RBM26: variants seen among roughly 807,000 people sequenced by gnomAD.
The protein encoded by RBM26 is RNA-binding protein 26.
Under a neutral mutation model 123.6 loss-of-function variants are expected in RBM26, and 30 were observed. The observed-to-expected ratio is 0.24, with a 90% CI of 0.18 to 0.33. The LOEUF (loss-of-function observed/expected upper bound fraction) is 0.33. Among genes scored for constraint, RBM26 ranks in the 10% least tolerant of loss-of-function variants. The pLI is 1.00. For missense variants in RBM26, 947 were observed against 1,203.6 expected (o/e 0.79, Z 3.15); for synonymous variants, 400 against 404.4 (o/e 0.99, Z 0.13).
Position 79,371,936 on chromosome 13 carries a change from T to TAA in RBM26, c.328-8_328-7dup, listed in dbSNP as rs111251938. The TAA allele has an allele frequency of 1.4e-3, 1,858 of 1,295,086 alleles. No individual in the cohort carries two copies. Among genetic ancestry groups the TAA allele is most frequent in the East Asian group, 1.8e-3 (71 of 40,060 alleles). The allele number at this position is 1,295,086 out of a possible 1,614,324, so 80.2% of individuals were successfully genotyped here. On this transcript the variant is annotated splice_polypyrimidine_tract_variant and splice_region_variant and intron_variant, in intron 3 of 21. Transcript: ENST00000438737. Reference sequence around the variant, plus strand: ...CGCTCTTCCTCCTTAGTGATCTGATTAAAAAAAAAAAAAAAAGTGTACAAG... The same window carrying TAA: ...CGCTCTTCCTCCTTAGTGATCTGATTAAAAAAAAAAAAAAAAAAGTGTACAAG...
chr13:79,354,081 T>C (rs2073654175), intron 13 of RBM26, among the ~76,000 whole-genome samples: 1 of 152,146 alleles, frequency 6.6e-6, no homozygotes, highest in South Asian at 2.1e-4. Flanking sequence ...GGAACAGAAT[T>C]CTAATTAAGT....
chr13:79,359,427 C>A, intron 10 of RBM26, 148 bp downstream of exon 10: 2 of 465,544 alleles, frequency 4.3e-6, no homozygotes, highest in Non-Finnish European at 7.7e-6. Context: ...AACTAACTTG[C>A]CAATTTTTAG....
At chr13:79,371,612 G>A (rs910942421) in intron 4 of RBM26, among the ~76,000 whole-genome samples, 4 of 151,752 alleles carry the variant, frequency 2.6e-5, no homozygotes, top group Non-Finnish European at 5.9e-5. Context: ...CTGAAGTTAG[G>A]AATAAAAAGA....
intron 3 of RBM26, 48 bp from the exon 4 acceptor site, chr13:79,371,978 C>G: frequency 7.7e-7 from 1 of 1,291,880 alleles, no homozygotes; most frequent in African/African-American, 1.5e-5. Flanking sequence ...AATTATTCCA[C>G]TGTTAAATAG....
chr13:79,398,432 C>T (rs1412305706), intron 1 of RBM26, among the ~76,000 whole-genome samples: 1 of 152,132 alleles, frequency 6.6e-6, no homozygotes, highest in Admixed American at 6.5e-5. Flanking sequence ...AACCACTCAG[C>T]ATTCAGATGG....
At chr13:79,395,761 C>A (rs539266790) in intron 1 of RBM26, among the ~76,000 whole-genome samples, 13 of 151,136 alleles carry the variant, frequency 8.6e-5, no homozygotes, top group South Asian at 2.1e-4. Context: ...AACAAACAAA[C>A]AAAAAAATGG....
rs554754648 is a variant in RBM26, at chr13:79,319,227, G to A, written c.*1394C>T. Reference sequence around the variant, plus strand: ...GGTGGTGGAACAACAGCTTTTGATTGTGAGGACCCCAATATGGAAGAAAGT... The same window carrying A: ...GGTGGTGGAACAACAGCTTTTGATTATGAGGACCCCAATATGGAAGAAAGT... On this transcript the variant is annotated 3_prime_UTR_variant, in exon 22 of 22. Coordinates refer to ENST00000438737, the MANE Select transcript of RBM26 (RefSeq NM_001366735.2). The A allele has an allele frequency of 3.4e-4, 335 of 984,308 alleles. 1 individual carries two copies. In the South Asian group the frequency reaches 7.0e-3, roughly 21 times the overall value. 61.0% of individuals were successfully genotyped at this position (984,308 alleles called of 1,614,324 possible). A position where few individuals can be genotyped will look rare whatever the true frequency, so the allele number is the denominator to read the frequency against.
rs1188215710 is a variant in RBM26 at position 79,405,738 on chromosome 13, G to A, written c.37C>T (p.Leu13Phe). 6.3e-7 allele frequency: 1 copy of A among 1,599,056 alleles called. No homozygotes were observed. The highest frequency in any genetic ancestry group is 8.5e-7 in the Non-Finnish European group (1 of 1,172,348). The change falls in exon 1 of 22, where the codon CTC becomes TTC. Residue 13 changes from leucine to phenylalanine, a missense_variant. By Grantham distance (22) the Leu-to-Phe change is conservative. Coordinates refer to ENST00000438737, the MANE Select transcript of RBM26 (RefSeq NM_001366735.2). The part of the protein sequence containing the change: ...SKMIIENFEA[L>F]KSWLSKTLEP... Reference sequence around the variant, plus strand: ...AGAGTCTTGCTGAGCCAGGACTTGAGTGCCTCGAAGTTTTCAATGATCATT... The same window carrying A: ...AGAGTCTTGCTGAGCCAGGACTTGAATGCCTCGAAGTTTTCAATGATCATT...
intron 18 of RBM26, among the ~76,000 whole-genome samples, chr13:79,339,562 C>A (rs141636153): frequency 6.6e-6 from 1 of 151,898 alleles, no homozygotes; most frequent in African/African-American, 2.4e-5. Context: ...CAAAATAACA[C>A]GTAATAATAA....
At chr13:79,317,091 T>C (rs2067218510), downstream of RBM26, among the ~76,000 whole-genome samples, 1 of 151,780 alleles carries the variant, frequency 6.6e-6, no homozygotes, top group South Asian at 2.1e-4. Flanking sequence ...TTTAAAACTC[T>C]GAATTTAGAA....
chr13:79,400,153 C>CA (rs1277459879), intron 1 of RBM26, among the ~76,000 whole-genome samples: 1 of 151,960 alleles, frequency 6.6e-6, no homozygotes, highest in East Asian at 1.9e-4. Flanking sequence ...ATATACACTC[C>CA]AAAAAAAGTT....
intron 1 of RBM26, among the ~76,000 whole-genome samples, chr13:79,396,895 G>C (rs2078616305): frequency 6.6e-6 from 1 of 152,154 alleles, no homozygotes; most frequent in Non-Finnish European, 1.5e-5. Context: ...TGGAGAAAAA[G>C]AACTGGCCAG....
At chr13:79,347,326 G>A (rs1268327009) in intron 14 of RBM26, among the ~76,000 whole-genome samples, 1 of 152,126 alleles carries the variant, frequency 6.6e-6, no homozygotes, top group East Asian at 1.9e-4. Flanking sequence ...CATAACCTGT[G>A]TCTAACAATT....
chr13:79,401,132 T>C (rs770259357), intron 1 of RBM26, among the ~76,000 whole-genome samples: 29 of 152,304 alleles, frequency 1.9e-4, no homozygotes, highest in South Asian at 4.1e-4. Context: ...AAAGATCATT[T>C]AGCCAACCCA....
chr13:79,405,835 C>CGCCGCT lies in RBM26; in HGVS notation c.-67_-62dup. 1 of 1,088,982 alleles carries CGCCGCT rather than the reference C, an allele frequency of 9.2e-7. No individual in the cohort carries two copies. The highest frequency in any genetic ancestry group is 2.2e-5 in the South Asian group (1 of 45,614). The allele number at this position is 1,088,982 out of a possible 1,614,324, so 67.5% of individuals were successfully genotyped here. On this transcript the variant is annotated 5_prime_UTR_variant, in exon 1 of 22. Transcript: ENST00000438737. ...CCGCCCAGGTCGCGGCCGCTACAGC[C>CGCCGCT]GCCGCTGCCCCCGCCCCCTCCTCCG...
intron 5 of RBM26, among the ~76,000 whole-genome samples, chr13:79,369,740 C>T (rs1480574286): frequency 6.6e-6 from 1 of 152,120 alleles, no homozygotes; most frequent in Non-Finnish European, 1.5e-5. Context: ...ATGACACGCT[C>T]TTGCAAAAAT....
At chr13:79,344,045 T>C (rs2071876363) in intron 16 of RBM26, among the ~76,000 whole-genome samples, 1 of 152,062 alleles carries the variant, frequency 6.6e-6, no homozygotes, top group Non-Finnish European at 1.5e-5. Context: ...CTTAATTTCA[T>C]GTTGATAACT....
intron 3 of RBM26, among the ~76,000 whole-genome samples, chr13:79,374,000 C>G (rs1184154126): frequency 6.6e-6 from 1 of 151,614 alleles, no homozygotes; most frequent in Non-Finnish European, 1.5e-5. Flanking sequence ...AGAGGTTGAA[C>G]AAATTCAGGA....
chr13:79,399,560 T>C (rs889530439), intron 1 of RBM26, among the ~76,000 whole-genome samples: 15 of 152,208 alleles, frequency 9.9e-5, no homozygotes, highest in African/African-American at 3.4e-4. Context: ...AGCAAATCAT[T>C]AGCTTTCTTA....
Sources: allele counts gnomAD v4.1 joint callset (sites outside exome capture counted in the v4.1 genomes callset), GRCh38; gene constraint gnomAD v4.1.1; transcripts MANE v1.5; gene names NCBI Gene and HGNC (gene_info 2026-07-23, HGNC 2026-07-21).